Variants in TENM3 observed in about 807,000 individuals in gnomAD.
TENM3 encodes teneurin-3.
A neutral mutation model predicts 255.1 loss-of-function variants in TENM3; 63 were observed. That is an observed-to-expected ratio of 0.25 (90% CI 0.20 to 0.30). TENM3 has a LOEUF of 0.30. Among genes scored for constraint, TENM3 ranks in the 10% least tolerant of loss-of-function variants. TENM3 has a pLI of 1.00. For synonymous variants in TENM3, 1,306 were observed against 1,322.3 expected (o/e 0.99, Z 0.27); for missense variants, 2,929 against 3,461.1 (o/e 0.85, Z 3.86).
At chr4:182,394,698 A>AT (rs1223104429) in intron 3 of TENM3, among the ~76,000 whole-genome samples, 1 of 152,138 alleles carries the variant, frequency 6.6e-6, no homozygotes, top group Non-Finnish European at 1.5e-5. Flanking sequence ...AATCAAATTG[A>AT]TTTTTAATTA....
intron 3 of TENM3, among the ~76,000 whole-genome samples, chr4:182,377,642 T>C (rs577880763): frequency 1.3e-5 from 2 of 152,302 alleles, no homozygotes; most frequent in South Asian, 4.1e-4. Flanking sequence ...CCAGATATTG[T>C]CATTGCTTGT....
intron 3 of TENM3, among the ~76,000 whole-genome samples, chr4:182,484,026 G>A (rs568022052): frequency 1.3e-5 from 2 of 152,152 alleles, no homozygotes; most frequent in Admixed American, 6.5e-5. Context: ...GAACCACATC[G>A]GCCTGTTACT....
At chr4:182,335,494 C>CAAAAAAAAAAAAAAAA (rs372965020) in intron 2 of TENM3, among the ~76,000 whole-genome samples, 1 of 52,400 alleles carries the variant, frequency 1.9e-5, no homozygotes, top group African/African-American at 6.9e-5. Flanking sequence ...GACTCCGCCT[C>CAAAAAAAAAAAAAAAA]AAAAAAAAAA....
the TENM3 span, among the ~76,000 whole-genome samples, chr4:182,042,732 A>C: frequency 6.6e-6 from 1 of 152,192 alleles, no homozygotes; most frequent in Non-Finnish European, 1.5e-5. Context: ...CAATATATTA[A>C]GTTTTTAAAA....
the TENM3 span, among the ~76,000 whole-genome samples, chr4:181,689,103 A>G: frequency 2.0e-5 from 3 of 152,242 alleles, no homozygotes; most frequent in Admixed American, 2.0e-4. Flanking sequence ...TCAATGACTA[A>G]GGCACACACA....
At chr4:182,626,528 T>C (rs1240350683) in intron 4 of TENM3, among the ~76,000 whole-genome samples, 2 of 152,174 alleles carry the variant, frequency 1.3e-5, no homozygotes, top group Non-Finnish European at 2.9e-5. Flanking sequence ...TTATGCCCTT[T>C]TTACAGATGA....
At chr4:181,566,400 TA>T in the TENM3 span, among the ~76,000 whole-genome samples, 2 of 152,076 alleles carry the variant, frequency 1.3e-5, no homozygotes, top group Non-Finnish European at 1.5e-5. Context: ...TTTGGAAAAA[TA>T]AAAATCTTTA....
At chr4:182,381,722 C>T (rs1311041166) in intron 3 of TENM3, among the ~76,000 whole-genome samples, 7 of 152,082 alleles carry the variant, frequency 4.6e-5, no homozygotes, top group East Asian at 1.9e-4. Context: ...CCACCACGCC[C>T]GGCTAATTGT....
chr4:181,595,751 CCTAT>C, the TENM3 span, among the ~76,000 whole-genome samples: 2 of 152,110 alleles, frequency 1.3e-5, no homozygotes, highest in Non-Finnish European at 1.5e-5. Flanking sequence ...ACAATGACCT[CCTAT>C]CTTTTTGTCC....
intron 20 of TENM3, 143 bp from the exon 21 acceptor site, chr4:182,753,307 T>A: frequency 1.6e-6 from 1 of 633,908 alleles, no homozygotes. Context: ...TTTTCTAACG[T>A]GTTTGCAATC....
At chr4:182,052,391 C>A in the TENM3 span, among the ~76,000 whole-genome samples, 1 of 152,054 alleles carries the variant, frequency 6.6e-6, no homozygotes, top group Non-Finnish European at 1.5e-5. Context: ...TGCAAGCTGA[C>A]GTTCCCACCA....
the TENM3 span, among the ~76,000 whole-genome samples, chr4:181,743,866 A>T: frequency 6.6e-6 from 1 of 152,146 alleles, no homozygotes; most frequent in Admixed American, 6.5e-5. Flanking sequence ...CAGGTTTGTT[A>T]TATAGGTAAA....
intron 4 of TENM3, among the ~76,000 whole-genome samples, chr4:182,612,234 T>G (rs1749066443): frequency 6.7e-6 from 1 of 148,890 alleles, no homozygotes; most frequent in Non-Finnish European, 1.5e-5. Flanking sequence ...ATTGCACCAC[T>G]GCGCTCCAGC....
At chr4:182,468,781 A>T (rs1257001211) in intron 3 of TENM3, among the ~76,000 whole-genome samples, 1 of 145,516 alleles carries the variant, frequency 6.9e-6, no homozygotes, top group Non-Finnish European at 1.5e-5. Context: ...ATTATTTTTC[A>T]GGAGTCTTCA....
the TENM3 span, among the ~76,000 whole-genome samples, chr4:181,766,452 A>G: frequency 6.6e-6 from 1 of 152,196 alleles, no homozygotes; most frequent in East Asian, 1.9e-4. Context: ...AGAAAGTGCA[A>G]TACTTGTTGC....
chr4:182,427,681 C>T (rs1034656501), intron 3 of TENM3, among the ~76,000 whole-genome samples: 4 of 152,100 alleles, frequency 2.6e-5, no homozygotes, highest in Admixed American at 6.6e-5. Flanking sequence ...TTGAGTCATG[C>T]GGTACACAAA....
the TENM3 span, among the ~76,000 whole-genome samples, chr4:181,873,462 A>T: frequency 6.6e-6 from 1 of 152,180 alleles, no homozygotes; most frequent in Admixed American, 6.5e-5. Flanking sequence ...ATCATCATTT[A>T]ACTCAAAATA....
At chr4:182,310,138 G>T (rs1762358466) in intron 1 of TENM3, among the ~76,000 whole-genome samples, 1 of 152,094 alleles carries the variant, frequency 6.6e-6, no homozygotes, top group Non-Finnish European at 1.5e-5. Context: ...CTTCCCAGTT[G>T]TATTGATATA....
intron 3 of TENM3, among the ~76,000 whole-genome samples, chr4:182,412,740 C>CG (rs1770081618): frequency 6.6e-6 from 1 of 151,472 alleles, no homozygotes; most frequent in African/African-American, 2.4e-5. Context: ...TAGCACTCAC[C>CG]TGTAGTCGCA....
Sources: allele counts gnomAD v4.1 joint callset (sites outside exome capture counted in the v4.1 genomes callset), GRCh38; gene constraint gnomAD v4.1.1; transcripts MANE v1.5; gene names NCBI Gene and HGNC (gene_info 2026-07-23, HGNC 2026-07-21).